The following MECOM variants were observed in gnomAD, a reference collection of about 807,000 sequenced individuals.
The protein encoded by MECOM is histone-lysine N-methyltransferase MECOM.
A neutral mutation model predicts 116.3 loss-of-function variants in MECOM; 13 were observed. The ratio of observed to expected loss-of-function variants is 0.11; its 90% CI spans 0.07 to 0.18. MECOM has a LOEUF of 0.18. MECOM is among the 10% of genes least tolerant of loss of function. The pLI, the probability that MECOM is intolerant of heterozygous loss-of-function variation, is 1.00. For synonymous variants in MECOM, 528 were observed against 535.2 expected (o/e 0.99, Z 0.19); for missense variants, 1,299 against 1,509.0 (o/e 0.86, Z 2.31).
At chr3:169,230,224 A>T (rs1039865560) in intron 2 of MECOM, among the ~76,000 whole-genome samples, 14 of 148,132 alleles carry the variant, frequency 9.5e-5, no homozygotes, top group Non-Finnish European at 1.5e-4. Flanking sequence ...TTTTCTCTAA[A>T]TTTCCTCTTT....
chr3:169,190,990 A>G (rs1181631688), intron 2 of MECOM, among the ~76,000 whole-genome samples: 1 of 151,998 alleles, frequency 6.6e-6, no homozygotes, highest in Non-Finnish European at 1.5e-5. Flanking sequence ...ACCCATAGAA[A>G]GGCTGGCATT....
intron 2 of MECOM, among the ~76,000 whole-genome samples, chr3:169,365,038 C>T (rs531919540): frequency 1.3e-5 from 2 of 152,068 alleles, no homozygotes; most frequent in South Asian, 2.1e-4. Context: ...TCTTGAGTAT[C>T]ATCCATTGGG....
At chr3:169,234,804 A>G (rs1753838531) in intron 2 of MECOM, among the ~76,000 whole-genome samples, 1 of 152,132 alleles carries the variant, frequency 6.6e-6, no homozygotes, top group African/African-American at 2.4e-5. Flanking sequence ...AATACCATCT[A>G]TATGTGCATA....
intron 2 of MECOM, among the ~76,000 whole-genome samples, chr3:169,270,685 T>C (rs1049425176): frequency 2.6e-5 from 4 of 152,178 alleles, no homozygotes; most frequent in Non-Finnish European, 5.9e-5. Flanking sequence ...GTTTTTGTTG[T>C]TGTCATGGTG....
chr3:169,106,466 C>A (rs1442377227), intron 10 of MECOM, among the ~76,000 whole-genome samples: 1 of 151,838 alleles, frequency 6.6e-6, no homozygotes, highest in Non-Finnish European at 1.5e-5. Context: ...GGTTTTTTTA[C>A]CACGAAAAAT....
intron 2 of MECOM, among the ~76,000 whole-genome samples, chr3:169,188,254 C>T (rs1747031900): frequency 6.6e-6 from 1 of 151,356 alleles, no homozygotes; most frequent in Non-Finnish European, 1.5e-5. Flanking sequence ...TACCCTGATT[C>T]AAAAAGCAAG....
chr3:169,446,253 G>A (rs572018086), intron 1 of MECOM, among the ~76,000 whole-genome samples: 1 of 152,082 alleles, frequency 6.6e-6, no homozygotes, highest in African/African-American at 2.4e-5. Flanking sequence ...GAATTCCCAC[G>A]TGTTGTGGGA....
At position 169,116,749 on chromosome 3, in the gene MECOM, A is replaced by G; in HGVS notation, c.1133-10T>C. On this transcript the variant is annotated splice_polypyrimidine_tract_variant and intron_variant, in intron 7 of 16. Transcript: ENST00000651503. ...TTATGGCAGACCTCACCTGTGTGCA[A>G]ACAACAAAAAAGAATCTCAGGCTTT... 1 of 1,562,924 alleles carries G rather than the reference A, an allele frequency of 6.4e-7. No individual in the cohort carries two copies. Among genetic ancestry groups the G allele is most frequent in the Non-Finnish European group, 8.6e-7 (1 of 1,156,986 alleles).
intron 1 of MECOM, among the ~76,000 whole-genome samples, chr3:169,433,239 C>T (rs539450169): frequency 6.0e-4 from 92 of 152,194 alleles, no homozygotes; most frequent in Middle Eastern, 3.4e-3. Context: ...GAGGCCAAGG[C>T]GGGTGGATCA....
At chr3:169,636,120 T>C (rs555141907) in intron 1 of MECOM, among the ~76,000 whole-genome samples, 40 of 152,334 alleles carry the variant, frequency 2.6e-4, no homozygotes, top group African/African-American at 8.9e-4. Context: ...TGAAATAATG[T>C]AGGATGAGGA....
At chr3:169,452,793 C>A (rs1745823395) in intron 1 of MECOM, among the ~76,000 whole-genome samples, 1 of 152,200 alleles carries the variant, frequency 6.6e-6, no homozygotes, top group Admixed American at 6.6e-5. Context: ...TCCTTATTTT[C>A]ATCATCTACT....
intron 1 of MECOM, among the ~76,000 whole-genome samples, chr3:169,414,079 T>C (rs1363415228): frequency 2.6e-5 from 4 of 152,166 alleles, no homozygotes; most frequent in Non-Finnish European, 5.9e-5. Context: ...CAGACCCCCG[T>C]GCCTCCTGAG....
chr3:169,638,400 C>T (rs1773070797), intron 1 of MECOM, among the ~76,000 whole-genome samples: 1 of 152,136 alleles, frequency 6.6e-6, no homozygotes, highest in Non-Finnish European at 1.5e-5. Flanking sequence ...TCCTCCTACA[C>T]ATGACTGACA....
intron 2 of MECOM, among the ~76,000 whole-genome samples, chr3:169,147,890 G>A (rs1740416069): frequency 1.3e-5 from 2 of 151,506 alleles, no homozygotes; most frequent in African/African-American, 4.9e-5. Context: ...TGCTGGAGTG[G>A]GGAGGATAAA....
chr3:169,324,441 A>T (rs1721489621), intron 2 of MECOM, among the ~76,000 whole-genome samples: 1 of 152,234 alleles, frequency 6.6e-6, no homozygotes, highest in African/African-American at 2.4e-5. Flanking sequence ...ATACTTTCAC[A>T]TCTGTCTTGT....
At chr3:169,244,702 C>A (rs1032115247) in intron 2 of MECOM, among the ~76,000 whole-genome samples, 7 of 152,174 alleles carry the variant, frequency 4.6e-5, no homozygotes, top group African/African-American at 1.7e-4. Context: ...TGACTAAACC[C>A]AGAGGCGTGT....
chr3:169,484,305 A>C (rs936015714), intron 1 of MECOM, among the ~76,000 whole-genome samples: 1 of 152,204 alleles, frequency 6.6e-6, no homozygotes, highest in African/African-American at 2.4e-5. Flanking sequence ...AAGAGGAGAT[A>C]AAGAAGAGGG....
chr3:169,126,727 G>A (rs1732999008), intron 5 of MECOM, among the ~76,000 whole-genome samples: 1 of 151,984 alleles, frequency 6.6e-6, no homozygotes, highest in African/African-American at 2.4e-5. Flanking sequence ...AGTCATTTAT[G>A]CCTTAAAATG....
At chr3:169,401,080 C>T (rs1340760446) in intron 1 of MECOM, among the ~76,000 whole-genome samples, 2 of 152,200 alleles carry the variant, frequency 1.3e-5, no homozygotes, top group Non-Finnish European at 2.9e-5. Context: ...AGCTAATCTT[C>T]CTAGATAGGC....
Sources: allele counts gnomAD v4.1 joint callset (sites outside exome capture counted in the v4.1 genomes callset), GRCh38; gene constraint gnomAD v4.1.1; transcripts MANE v1.5; gene names NCBI Gene and HGNC (gene_info 2026-07-23, HGNC 2026-07-21).